PIBF1: variants seen among roughly 807,000 people sequenced by gnomAD.
PIBF1 encodes progesterone immunomodulatory binding factor 1, also known as progesterone-induced-blocking factor 1.
Under a neutral mutation model 112.5 loss-of-function variants are expected in PIBF1, and 90 were observed. That is an observed-to-expected ratio of 0.80 (90% CI 0.67 to 0.95). The LOEUF is 0.95. PIBF1 is among the 40% of genes least tolerant of loss of function. The pLI, the probability that PIBF1 is intolerant of heterozygous loss-of-function variation, is 0.00. For synonymous variants in PIBF1, 301 were observed against 288.6 expected, an observed-to-expected ratio of 1.04 and a Z score of -0.44; for missense variants, 915 against 852.3, an observed-to-expected ratio of 1.07 and a Z score of -0.92.
intron 2 of PIBF1, among the ~76,000 whole-genome samples, chr13:72,784,933 C>T (rs1190464046): frequency 1.3e-5 from 2 of 151,972 alleles, no homozygotes; most frequent in Non-Finnish European, 2.9e-5. Context: ...AGTTCAGTGG[C>T]ACAATCTTGG....
At chr13:72,993,420 A>G (rs992487453) in intron 16 of PIBF1, among the ~76,000 whole-genome samples, 2 of 152,332 alleles carry the variant, frequency 1.3e-5, no homozygotes, top group East Asian at 1.9e-4. Flanking sequence ...AAAACTGCCA[A>G]TAGAGGGATA....
intron 10 of PIBF1, among the ~76,000 whole-genome samples, chr13:72,880,563 AAGCTGAGAC>A (rs2039583101): frequency 6.6e-6 from 1 of 152,214 alleles, no homozygotes; most frequent in Non-Finnish European, 1.5e-5. Flanking sequence ...ATAATTATGA[AAGCTGAGAC>A]ACAGGTAGTA....
chr13:72,997,427 A>G (rs914390928), intron 16 of PIBF1, among the ~76,000 whole-genome samples: 6 of 152,224 alleles, frequency 3.9e-5, no homozygotes, highest in African/African-American at 1.4e-4. Context: ...AATGTCTGCA[A>G]GTATATGCAT....
At chr13:72,831,427 C>T (rs1001260348) in intron 8 of PIBF1, among the ~76,000 whole-genome samples, 1 of 152,208 alleles carries the variant, frequency 6.6e-6, no homozygotes, top group African/African-American at 2.4e-5. Context: ...CCTCTACACA[C>T]TGCTTTAAAT....
chr13:72,973,982 C>CT, intron 16 of PIBF1: 1 of 367,330 alleles, frequency 2.7e-6, no homozygotes, highest in East Asian at 4.1e-5. Flanking sequence ...CTCTCGTCTT[C>CT]TTTATCAATG....
chr13:72,812,327 G>A (rs1429533930), intron 5 of PIBF1, among the ~76,000 whole-genome samples: 2 of 151,902 alleles, frequency 1.3e-5, no homozygotes, highest in South Asian at 4.2e-4. Flanking sequence ...GCATATGATG[G>A]TTCATCTGAA....
rs113495633 is a variant in PIBF1 at position 72,857,948 on chromosome 13, A to G, written c.1322+3793A>G. Among the ~76,000 whole-genome samples, 1,001 of 152,208 alleles carry G rather than the reference A, an allele frequency of 6.6e-3. 18 individuals carry two copies. The highest frequency in any genetic ancestry group is 0.023 in the African/African-American group (938 of 41,514). On this transcript the variant is annotated intron_variant, in intron 10 of 17. Transcript: ENST00000326291. ...GTATGGAAAAACAGGCAATCTTAAC[A>G]TTAGTGGGAGTTTAAATTGGTACAA...
At chr13:72,799,609 A>C (rs946897665) in intron 5 of PIBF1, among the ~76,000 whole-genome samples, 2 of 152,252 alleles carry the variant, frequency 1.3e-5, no homozygotes, top group Admixed American at 1.3e-4. Context: ...TAGAGAACAG[A>C]GAAGGCCACT....
chr13:72,829,289 T>G (rs1004454053), intron 8 of PIBF1, among the ~76,000 whole-genome samples: 13 of 152,084 alleles, frequency 8.5e-5, no homozygotes, highest in Admixed American at 8.5e-4. Context: ...TTAATTAGAT[T>G]CCATTTGTCA....
chr13:72,949,707 T>C (rs1234608736), intron 14 of PIBF1, among the ~76,000 whole-genome samples: 1 of 152,030 alleles, frequency 6.6e-6, no homozygotes, highest in Non-Finnish European at 1.5e-5. Context: ...TGTTGTGTAT[T>C]TGTGTGTGTG....
At position 72,854,163 on chromosome 13, in the gene PIBF1, T is replaced by A; in HGVS notation, c.1322+8T>A. ...CGATCAGCTCTTAGACAGGTAAGCA[T>A]CATAAAAATAGAAATGTTAAAACTC... On this transcript the variant is annotated splice_region_variant and intron_variant, in intron 10 of 17. Coordinates refer to ENST00000326291, the MANE Select transcript of PIBF1 (RefSeq NM_006346.4). The A allele has an allele frequency of 6.4e-7, 1 of 1,553,458 alleles. No homozygotes were observed. The highest frequency in any genetic ancestry group is 1.4e-5 in the African/African-American group (1 of 73,812).
At position 72,916,948 on chromosome 13, in the gene PIBF1, T is replaced by C. The variant is rs779731508; in HGVS notation, c.1640-128T>C. On this transcript the variant is annotated intron_variant, in intron 12 of 17. Coordinates refer to ENST00000326291, the MANE Select transcript of PIBF1 (RefSeq NM_006346.4). ...TACTTACAAATGGGCTGTTTAAGAT[T>C]ACATATTAGCCCTTTCTAATGTTTT... is the stretch of plus-strand genomic sequence containing the variant. 162 of 488,702 alleles carry C rather than the reference T, an allele frequency of 3.3e-4. 1 individual carries two copies. Among genetic ancestry groups the C allele is most frequent in the Non-Finnish European group, 4.3e-4 (119 of 274,556 alleles). The allele number at this position is 488,702 out of a possible 1,614,324, so 30.3% of individuals were successfully genotyped here.
At chr13:72,996,087 C>T (rs904684011) in intron 16 of PIBF1, among the ~76,000 whole-genome samples, 1 of 9,778 alleles carries the variant, frequency 1.0e-4, no homozygotes, top group African/African-American at 3.4e-4. Flanking sequence ...AAAAAAAAAG[C>T]GGGGGGGGGG....
intron 10 of PIBF1, among the ~76,000 whole-genome samples, chr13:72,883,332 G>T (rs1465835977): frequency 6.6e-6 from 1 of 152,188 alleles, no homozygotes; most frequent in Non-Finnish European, 1.5e-5. Flanking sequence ...GGTAACCAGA[G>T]ACTGGGAAGG....
chr13:72,886,869 T>G (rs996176767), intron 10 of PIBF1, among the ~76,000 whole-genome samples: 1 of 152,188 alleles, frequency 6.6e-6, no homozygotes, highest in Non-Finnish European at 1.5e-5. Flanking sequence ...CAGAAACGTT[T>G]GGAGAAATAC....
intron 7 of PIBF1, 138 bp from the exon 8 acceptor site, chr13:72,827,595 C>T: frequency 2.1e-6 from 1 of 477,624 alleles, no homozygotes; most frequent in Non-Finnish European, 3.6e-6. Flanking sequence ...AAAAAAGTTG[C>T]ATGCTAAGAA....
intron 5 of PIBF1, among the ~76,000 whole-genome samples, chr13:72,808,356 TG>T (rs2035840317): frequency 6.6e-6 from 1 of 152,218 alleles, no homozygotes; most frequent in African/African-American, 2.4e-5. Context: ...TGATCTCTGT[TG>T]ATTGTCTTTT....
At chr13:72,884,932 T>C (rs537964699) in intron 10 of PIBF1, among the ~76,000 whole-genome samples, 1 of 152,268 alleles carries the variant, frequency 6.6e-6, no homozygotes, top group East Asian at 1.9e-4. Context: ...GTTCTTATTA[T>C]GTCTTCTATT....
At chr13:72,913,722 A>G (rs1338372869) in intron 12 of PIBF1, among the ~76,000 whole-genome samples, 1 of 151,918 alleles carries the variant, frequency 6.6e-6, no homozygotes, top group African/African-American at 2.4e-5. Flanking sequence ...TGTTCACGCC[A>G]CTGCACTCCA....
Sources: allele counts gnomAD v4.1 joint callset (sites outside exome capture counted in the v4.1 genomes callset), GRCh38; gene constraint gnomAD v4.1.1; transcripts MANE v1.5; gene names NCBI Gene and HGNC (gene_info 2026-07-23, HGNC 2026-07-21).